The following PTCHD4 variants were observed in gnomAD, a reference collection of about 807,000 sequenced individuals.
PTCHD4 encodes the protein patched domain-containing protein 4.
In PTCHD4, 33 loss-of-function variants were observed where a neutral mutation model predicts 58.1. The observed-to-expected ratio is 0.57, with a 90% CI of 0.43 to 0.76. The LOEUF (loss-of-function observed/expected upper bound fraction) is 0.76. Ranked by LOEUF, PTCHD4 falls within the 30% of genes least tolerant of loss-of-function variation. The probability of loss-of-function intolerance (pLI) is 0.00; values close to 1 mark genes in which losing one functional copy is unlikely to be tolerated. For synonymous variants in PTCHD4, 478 were observed against 409.6 expected, an observed-to-expected ratio of 1.17 and a Z score of -2.02; for missense variants, 1,058 against 1,027.1, an observed-to-expected ratio of 1.03 and a Z score of -0.41.
chr6:47,916,919 CAGTT>C (rs1765277014), intron 4 of PTCHD4, among the ~76,000 whole-genome samples: 1 of 151,698 alleles, frequency 6.6e-6, no homozygotes, highest in Non-Finnish European at 1.5e-5. Context: ...TGGTACTCCT[CAGTT>C]AATCTTTTAA....
intron 4 of PTCHD4, among the ~76,000 whole-genome samples, chr6:47,973,193 T>C (rs1767579165): frequency 1.3e-5 from 2 of 152,326 alleles, no homozygotes; most frequent in East Asian, 1.9e-4. Context: ...TATTTTACTA[T>C]AATTAATTTT....
chr6:48,008,510 T>C, intron 4 of PTCHD4, 124 bp downstream of exon 4: 1 of 1,162,774 alleles, frequency 8.6e-7, no homozygotes, highest in South Asian at 1.7e-5. Context: ...CCAAGTAAAA[T>C]TTTATGTAAT....
intron 1 of PTCHD4, among the ~76,000 whole-genome samples, chr6:48,109,116 T>A (rs1044659241): frequency 6.6e-6 from 1 of 152,066 alleles, no homozygotes; most frequent in Non-Finnish European, 1.5e-5. Flanking sequence ...CTAAAAAAAC[T>A]TCAAAGTAGT....
At chr6:47,965,286 G>A (rs1243613897) in intron 4 of PTCHD4, among the ~76,000 whole-genome samples, 2 of 152,152 alleles carry the variant, frequency 1.3e-5, no homozygotes, top group Non-Finnish European at 1.5e-5. Flanking sequence ...AGATAGATAA[G>A]TTTTCATGAC....
In PTCHD4 at chr6:47,875,437, T is replaced by C. The variant is rs9369749; in HGVS notation, c.*2866A>G. ...GTGAGGTTGGGAGGTCAGACGATGC[T>C]CTGTTAGATTCTTCTTAGGATTAAA... is the stretch of plus-strand genomic sequence containing the variant. On this transcript the variant is annotated 3_prime_UTR_variant, in exon 5 of 5. Coordinates refer to ENST00000339488, the MANE Select transcript of PTCHD4 (RefSeq NM_001384253.1). 0.06 allele frequency among the ~76,000 whole-genome samples: 9,084 copies of C among 151,926 alleles called. 311 individuals carry two copies. The highest frequency in any genetic ancestry group is 0.13 in the South Asian group (625 of 4,820).
At chr6:48,044,557 G>A (rs1168110057) in intron 3 of PTCHD4, among the ~76,000 whole-genome samples, 1 of 151,754 alleles carries the variant, frequency 6.6e-6, no homozygotes, top group Non-Finnish European at 1.5e-5. Context: ...TATAAAGTGG[G>A]GGTTGGCAAT....
intron 3 of PTCHD4, among the ~76,000 whole-genome samples, chr6:48,046,221 T>C (rs1434150604): frequency 6.6e-6 from 1 of 151,878 alleles, no homozygotes; most frequent in African/African-American, 2.4e-5. Context: ...TTTCATTGTA[T>C]ATTGTTGGGC....
At chr6:48,076,519 A>G (rs1451976939) in intron 1 of PTCHD4, among the ~76,000 whole-genome samples, 1 of 152,230 alleles carries the variant, frequency 6.6e-6, no homozygotes, top group African/African-American at 2.4e-5. Context: ...TTCTTAAATA[A>G]TAAGACTTGA....
chr6:47,980,821 C>T (rs1012209954), intron 4 of PTCHD4, among the ~76,000 whole-genome samples: 51 of 151,592 alleles, frequency 3.4e-4, no homozygotes, highest in Non-Finnish European at 5.7e-4. Flanking sequence ...TGTTTTTTCT[C>T]CTCCCCAAAT....
intron 1 of PTCHD4, among the ~76,000 whole-genome samples, chr6:48,098,959 T>G (rs942354123): frequency 6.6e-6 from 1 of 152,186 alleles, no homozygotes; most frequent in African/African-American, 2.4e-5. Context: ...TTTGAAGACT[T>G]AAGTACCTAG....
At chr6:47,941,093 G>A (rs1230793713) in intron 4 of PTCHD4, among the ~76,000 whole-genome samples, 4 of 152,082 alleles carry the variant, frequency 2.6e-5, no homozygotes, top group South Asian at 2.1e-4. Context: ...GCCCGCCTCC[G>A]TACTCACTCT....
At position 48,055,715 on chromosome 6, in the gene PTCHD4, T is replaced by G. The variant is rs16876982; in HGVS notation, c.417+12515A>C. 8.4e-3 allele frequency among the ~76,000 whole-genome samples: 1,282 copies of G among 152,328 alleles called. 23 individuals are homozygous for G. Among genetic ancestry groups the G allele is most frequent in the African/African-American group, 0.028 (1,178 of 41,574 alleles). On this transcript the variant is annotated intron_variant, in intron 3 of 4. Transcript: ENST00000339488. The stretch of plus-strand genomic sequence containing the variant: ...TATCTATAAAAGGGGGTCATTAAAC[T>G]AGTTCAAACCCTGAGCTTCTCTCAT...
intron 4 of PTCHD4, among the ~76,000 whole-genome samples, chr6:47,883,179 G>C (rs570193786): frequency 1.3e-5 from 2 of 151,900 alleles, no homozygotes; most frequent in Non-Finnish European, 2.9e-5. Context: ...CGATATATAA[G>C]ATATAAGGGT....
At chr6:47,987,430 A>G (rs943689992) in intron 4 of PTCHD4, among the ~76,000 whole-genome samples, 1 of 152,036 alleles carries the variant, frequency 6.6e-6, no homozygotes, top group African/African-American at 2.4e-5. Context: ...AAAAAAAAAA[A>G]AACAAGACTA....
intron 1 of PTCHD4, among the ~76,000 whole-genome samples, chr6:48,098,076 G>T (rs1384841529): frequency 6.6e-6 from 1 of 152,024 alleles, no homozygotes; most frequent in Non-Finnish European, 1.5e-5. Context: ...TTTTAGTGTT[G>T]CCAGCCACAA....
At chr6:48,052,149 A>C (rs1764256307) in intron 3 of PTCHD4, among the ~76,000 whole-genome samples, 1 of 152,078 alleles carries the variant, frequency 6.6e-6, no homozygotes, top group South Asian at 2.1e-4. Context: ...AGACACCTAG[A>C]TATCTTTATA....
chr6:47,936,539 C>A (rs536916006), intron 4 of PTCHD4, among the ~76,000 whole-genome samples: 3 of 152,296 alleles, frequency 2.0e-5, no homozygotes, highest in African/African-American at 4.8e-5. Flanking sequence ...ATAGTAATGG[C>A]AAATCCAGAA....
Position 47,940,766 on chromosome 6 carries a change from T to C in PTCHD4, c.899-60830A>G, listed in dbSNP as rs536481990. Among the ~76,000 whole-genome samples the C allele has an allele frequency of 2.4e-4, 36 of 152,348 alleles. 1 individual carries two copies. Among genetic ancestry groups the C allele is most frequent in the South Asian group, 1.7e-3 (8 of 4,832 alleles). On this transcript the variant is annotated intron_variant, in intron 4 of 4. Transcript: ENST00000339488. ...CCAATTTAGATGTTTCCATTTTTCT[T>C]TTCCTTCTAATTACTCACTCCTTCT...
intron 4 of PTCHD4, among the ~76,000 whole-genome samples, chr6:47,959,732 A>C (rs1767007194): frequency 6.6e-6 from 1 of 152,086 alleles, no homozygotes; most frequent in Non-Finnish European, 1.5e-5. Context: ...AGAAAAAACA[A>C]AAGTGAGAAG....
Sources: gnomAD v4.1 joint callset for allele counts (sites outside exome capture counted in the v4.1 genomes callset) on GRCh38, gnomAD v4.1.1 for gene constraint, MANE v1.5 for transcripts, NCBI Gene and HGNC (gene_info 2026-07-23, HGNC 2026-07-21) for gene names.